RAF1: variants seen among roughly 807,000 people sequenced by gnomAD.
RAF1 encodes RAF proto-oncogene serine/threonine-protein kinase.
In RAF1, 27 loss-of-function variants were observed where a neutral mutation model predicts 81.1. That is an observed-to-expected ratio of 0.33 (90% CI 0.25 to 0.46). RAF1 has a LOEUF of 0.46. Among genes scored for constraint, RAF1 ranks in the 20% least tolerant of loss-of-function variants. The probability of loss-of-function intolerance (pLI) is 1.00; values close to 1 mark genes in which losing one functional copy is unlikely to be tolerated. For synonymous variants in RAF1, 298 were observed against 294.0 expected (o/e 1.01, Z -0.14); for missense variants, 598 against 826.0 (o/e 0.72, Z 3.38).
In RAF1 at chr3:12,583,961, G is replaced by A. The variant is rs1247806295; in HGVS notation, c.*553C>T. ...CTTAGAAGCTGTGAAAGGAGGACGT[G>A]TCCCCTAAGAAAAGTTCCATAGTAC... On this transcript the variant is annotated 3_prime_UTR_variant, in exon 18 of 18. Coordinates refer to ENST00000442415, the MANE Select transcript of RAF1 (RefSeq NM_001354689.3). 1.6e-5 allele frequency: 4 copies of A among 244,410 alleles called. No individual in the cohort carries two copies. The highest frequency in any genetic ancestry group is 3.2e-5 in the Non-Finnish European group (4 of 123,538). The allele number at this position is 244,410 out of a possible 1,614,324, so 15.1% of individuals were successfully genotyped here.
chr3:12,606,410 G>T (rs1339251253), intron 5 of RAF1, 111 bp from the exon 6 acceptor site: 2 of 756,254 alleles, frequency 2.6e-6, no homozygotes, highest in East Asian at 2.7e-5. Context: ...ACTTTTCCCA[G>T]TCACATTTTC....
intron 1 of RAF1, among the ~76,000 whole-genome samples, chr3:12,635,903 G>T (rs1263110722): frequency 6.6e-6 from 1 of 151,244 alleles, no homozygotes; most frequent in Non-Finnish European, 1.5e-5. Flanking sequence ...AACCCATGAG[G>T]TAGAGCTTGC....
chr3:12,651,963 C>G (rs184037456), intron 1 of RAF1, among the ~76,000 whole-genome samples: 1 of 151,278 alleles, frequency 6.6e-6, no homozygotes, highest in East Asian at 1.9e-4. Context: ...GAGCCGAGAT[C>G]GCGCCACTGC....
intron 4 of RAF1, 119 bp downstream of exon 4, chr3:12,609,114 T>C: frequency 9.6e-7 from 1 of 1,036,608 alleles, no homozygotes; most frequent in Non-Finnish European, 1.5e-6. Flanking sequence ...AACAACAGCA[T>C]AAAGAACTTT....
At position 12,663,955 on chromosome 3, in the gene RAF1, C is replaced by T. The variant is rs727504398; in HGVS notation, c.-169G>A. The T allele has an allele frequency of 1.3e-5, 5 of 398,334 alleles. 1 individual carries two copies. The highest frequency in any genetic ancestry group is 4.4e-5 in the Admixed American group (1 of 22,722). 24.7% of individuals were successfully genotyped at this position (398,334 alleles called of 1,614,324 possible). On this transcript the variant is annotated 5_prime_UTR_variant, in exon 1 of 18. Transcript: ENST00000442415. ...AGGGGACGGAGCCCCGAGCAGCCCC[C>T]GCATCGTAGCAAACGCGCTCCGCGC...
intron 1 of RAF1, among the ~76,000 whole-genome samples, chr3:12,637,434 T>G (rs1188858390): frequency 6.6e-6 from 1 of 151,632 alleles, no homozygotes; most frequent in Non-Finnish European, 1.5e-5. Flanking sequence ...CTGGCTAATT[T>G]TTGTATTTTC....
intron 6 of RAF1, among the ~76,000 whole-genome samples, chr3:12,605,250 A>ATGTGTATGTGTGTG (rs2058987878): frequency 6.9e-6 from 1 of 144,538 alleles, no homozygotes; most frequent in African/African-American, 2.6e-5. Context: ...ATTACACATT[A>ATGTGTATGTGTGTG]TGTGTGTGTG....
At chr3:12,659,694 TAAAAAC>T (rs1369621702) in intron 1 of RAF1, among the ~76,000 whole-genome samples, 2 of 152,126 alleles carry the variant, frequency 1.3e-5, no homozygotes, top group African/African-American at 4.8e-5. Context: ...CTGAACAACT[TAAAAAC>T]AAAAACTAAG....
At chr3:12,628,730 T>A (rs536569511) in intron 1 of RAF1, among the ~76,000 whole-genome samples, 1 of 115,166 alleles carries the variant, frequency 8.7e-6, no homozygotes, top group Admixed American at 1.2e-4. Context: ...CATATAAGTA[T>A]GATGAACCTG....
intron 1 of RAF1, among the ~76,000 whole-genome samples, chr3:12,661,823 A>T (rs750771124): frequency 6.6e-6 from 1 of 152,168 alleles, no homozygotes; most frequent in South Asian, 2.1e-4. Context: ...AAGAATCCCC[A>T]GGAATATATG....
chr3:12,631,483 C>T (rs1279654195), intron 1 of RAF1, among the ~76,000 whole-genome samples: 2 of 152,246 alleles, frequency 1.3e-5, no homozygotes, highest in Admixed American at 1.3e-4. Flanking sequence ...CCTGTAGCCC[C>T]AGCTTCTCGG....
intron 5 of RAF1, 50 bp downstream of exon 5, chr3:12,608,716 A>G: frequency 6.3e-6 from 10 of 1,577,964 alleles, no homozygotes; most frequent in Non-Finnish European, 8.7e-6. Flanking sequence ...CCTTTAAAGT[A>G]TGTATACTCC....
At chr3:12,596,476 G>T (rs913181644) in intron 11 of RAF1, among the ~76,000 whole-genome samples, 1 of 152,172 alleles carries the variant, frequency 6.6e-6, no homozygotes, top group South Asian at 2.1e-4. Flanking sequence ...TTACAGGCAT[G>T]AGCCACCGCA....
chr3:12,642,300 A>G (rs1217434454), intron 1 of RAF1, among the ~76,000 whole-genome samples: 1 of 150,974 alleles, frequency 6.6e-6, no homozygotes, highest in Admixed American at 6.6e-5. Context: ...AATACAAAAA[A>G]AAAAAACCCC....
chr3:12,631,496 G>A (rs553864049), intron 1 of RAF1, among the ~76,000 whole-genome samples: 2 of 152,306 alleles, frequency 1.3e-5, no homozygotes, highest in East Asian at 3.9e-4. Flanking sequence ...CTTCTCGGAA[G>A]GCTGAAGCAG....
chr3:12,586,381 AGTTTAAGTCAAACTT>A (rs2058333077), intron 14 of RAF1, among the ~76,000 whole-genome samples: 1 of 152,228 alleles, frequency 6.6e-6, no homozygotes, highest in South Asian at 2.1e-4. Flanking sequence ...GAAGTCATAC[AGTTTAAGTCAAACTT>A]GTGAGGAAAA....
intron 11 of RAF1, among the ~76,000 whole-genome samples, chr3:12,598,133 C>T (rs1222687228): frequency 6.6e-6 from 1 of 151,246 alleles, no homozygotes; most frequent in African/African-American, 2.4e-5. Flanking sequence ...ATCTTCCTGC[C>T]TCAGCCTTCC....
chr3:12,651,855 C>A (rs1261364065), intron 1 of RAF1, among the ~76,000 whole-genome samples: 2 of 148,060 alleles, frequency 1.4e-5, no homozygotes, highest in Non-Finnish European at 3.0e-5. Context: ...ACTAAAAATA[C>A]AAAATTAGCC....
chr3:12,610,667 T>G (rs1267657987), intron 3 of RAF1, among the ~76,000 whole-genome samples: 1 of 152,210 alleles, frequency 6.6e-6, no homozygotes. Context: ...TTCGAGTAGA[T>G]TCATTCCCTG....
Sources: allele counts gnomAD v4.1 joint callset (sites outside exome capture counted in the v4.1 genomes callset), GRCh38; gene constraint gnomAD v4.1.1; transcripts MANE v1.5; gene names NCBI Gene and HGNC (gene_info 2026-07-23, HGNC 2026-07-21).